Variants in MLLT1 observed in about 807,000 individuals in gnomAD.
MLLT1 encodes the protein MLLT1 super elongation complex subunit, also known as protein ENL.
Under a neutral mutation model 55.1 loss-of-function variants are expected in MLLT1, and 11 were observed. That is an observed-to-expected ratio of 0.20 (90% CI 0.13 to 0.33). MLLT1 has a LOEUF of 0.33. Among genes scored for constraint, MLLT1 ranks in the 10% least tolerant of loss-of-function variants. The probability of loss-of-function intolerance (pLI) is 1.00; values close to 1 mark genes in which losing one functional copy is unlikely to be tolerated. For synonymous variants in MLLT1, 323 were observed against 320.1 expected, an observed-to-expected ratio of 1.01 and a Z score of -0.10; for missense variants, 536 against 760.6, an observed-to-expected ratio of 0.70 and a Z score of 3.47.
At position 6,216,469 on chromosome 19, in the gene MLLT1, C is replaced by G. The variant is rs752596385; in HGVS notation, c.1243G>C (p.Asp415His). The change falls in exon 8 of 12, where the codon GAC becomes CAC. Residue 415 changes from aspartate (D) to histidine (H), a missense_variant. Coordinates refer to ENST00000252674, the MANE Select transcript of MLLT1 (RefSeq NM_005934.4). ...MVEDLQSEES[D>H]EDDSSSGEEA... The stretch of plus-strand genomic sequence containing the variant: ...TCGCCTGACGAAGAGTCGTCCTCGT[C>G]GGACTCCTCGGACTGCAGGTCCTCC... 3.7e-6 allele frequency: 6 copies of G among 1,606,908 alleles called. No homozygotes were observed. Among genetic ancestry groups the G allele is most frequent in the Non-Finnish European group, 5.1e-6 (6 of 1,177,580 alleles).
chr19:6,259,810 A>AAAAAAAAAAAC (rs2091287961), intron 3 of MLLT1: 1 of 151,464 alleles, frequency 6.6e-6, no homozygotes, highest in Non-Finnish European at 1.5e-5. Flanking sequence ...AAAAAAAAAA[A>AAAAAAAAAAAC]AAAAAAAAAA....
chr19:6,278,114 C>T (rs2091436414), intron 1 of MLLT1, among the ~76,000 whole-genome samples: 1 of 152,222 alleles, frequency 6.6e-6, no homozygotes, highest in African/African-American at 2.4e-5. Context: ...AGTGCCACTT[C>T]AGTGGCGCCA....
At chr19:6,232,237 A>AAAAC (rs538916174) in intron 3 of MLLT1, among the ~76,000 whole-genome samples, 50 of 152,304 alleles carry the variant, frequency 3.3e-4, no homozygotes, top group South Asian at 1.5e-3. Context: ...CTCTGTCTGA[A>AAAAC]AAACAAACAA....
At chr19:6,213,505 A>G (rs1373149900) in intron 10 of MLLT1, 97 bp from the exon 11 acceptor site, 43 of 1,177,788 alleles carry the variant, frequency 3.7e-5, no homozygotes, top group Non-Finnish European at 5.3e-5. Flanking sequence ...ATCCCAGCAC[A>G]GGACAGAGGT....
At position 6,224,500 on chromosome 19, in the gene MLLT1, T is replaced by G. The variant is rs1233119531; in HGVS notation, c.547-1816A>C. Among the ~76,000 whole-genome samples, 4 of 152,234 alleles carry G rather than the reference T, an allele frequency of 2.6e-5. No homozygotes were observed. The East Asian group carries it at 7.7e-4, about 29-fold the overall frequency. The stretch of plus-strand genomic sequence containing the variant: ...GCAGGGGACACACGCCCAGCTGGGC[T>G]GCAGGAGCTCAGCCGGGGTCACAGC... On this transcript the variant is annotated intron_variant, in intron 5 of 11. Transcript: ENST00000252674.
At chr19:6,268,717 CAACA>C in intron 2 of MLLT1, among the ~76,000 whole-genome samples, 1 of 152,132 alleles carries the variant, frequency 6.6e-6, no homozygotes, top group East Asian at 1.9e-4. Flanking sequence ...AGACAGACAG[CAACA>C]AACAGGGCTC....
intron 1 of MLLT1, among the ~76,000 whole-genome samples, chr19:6,277,396 C>T (rs1265923956): frequency 6.6e-6 from 1 of 152,204 alleles, no homozygotes; most frequent in Non-Finnish European, 1.5e-5. Flanking sequence ...CTGCATTGCC[C>T]GACAGGGTGG....
Position 6,212,471 on chromosome 19 carries a change from A to C in MLLT1, c.*571T>G. 9.4e-7 allele frequency: 1 copy of C among 1,066,286 alleles called. No individual in the cohort carries two copies. The highest frequency in any genetic ancestry group is 5.0e-5 in the East Asian group (1 of 20,176). 66.1% of individuals were successfully genotyped at this position (1,066,286 alleles called of 1,614,324 possible). ...ACGCACATGGACACTGCTCTTGACC[A>C]GACAGTGCACACACATATATAATAG... On this transcript the variant is annotated 3_prime_UTR_variant, in exon 12 of 12. Coordinates refer to ENST00000252674, the MANE Select transcript of MLLT1 (RefSeq NM_005934.4).
intron 2 of MLLT1, among the ~76,000 whole-genome samples, chr19:6,268,931 G>T (rs1234278230): frequency 6.6e-6 from 1 of 152,332 alleles, no homozygotes; most frequent in East Asian, 1.9e-4. Flanking sequence ...CCATGTCAAC[G>T]TGGTGGGGAA....
At chr19:6,249,571 T>A (rs1250038244) in intron 3 of MLLT1, among the ~76,000 whole-genome samples, 4 of 152,186 alleles carry the variant, frequency 2.6e-5, no homozygotes, top group Non-Finnish European at 2.9e-5. Flanking sequence ...AGCCGCAGCA[T>A]GCAGAAGCCT....
intron 2 of MLLT1, among the ~76,000 whole-genome samples, chr19:6,265,050 A>AC (rs2091337048): frequency 1.5e-4 from 2 of 13,698 alleles, no homozygotes; most frequent in Middle Eastern, 0.026. Flanking sequence ...AAAAAAAAAC[A>AC]AAAAAACAAA....
chr19:6,238,697 C>A (rs1236664424), intron 3 of MLLT1, among the ~76,000 whole-genome samples: 1 of 152,262 alleles, frequency 6.6e-6, no homozygotes, highest in Non-Finnish European at 1.5e-5. Context: ...CCAGGCAAGT[C>A]CCCGCCATGG....
In MLLT1 at chr19:6,211,819, C is replaced by A; in HGVS notation, c.*1223G>T. ...AGAGTGGGCCGGGAAGGAGGACCGG[C>A]TTGGCCCCTGGAGAATCTCAGGCAT... On this transcript the variant is annotated 3_prime_UTR_variant, in exon 12 of 12. Transcript: ENST00000252674. The surrounding 1 kb of genome is among the most constrained non-coding windows in gnomAD (Gnocchi z 4.6). 1 of 1,064,248 alleles carries A rather than the reference C, an allele frequency of 9.4e-7. No homozygotes were observed. Among genetic ancestry groups the A allele is most frequent in the Non-Finnish European group, 1.1e-6 (1 of 878,580 alleles). The allele number at this position is 1,064,248 out of a possible 1,614,324, so 65.9% of individuals were successfully genotyped here.
chr19:6,216,371 C>T (rs372802145), intron 8 of MLLT1, 34 bp downstream of exon 8: 27 of 1,528,342 alleles, frequency 1.8e-5, no homozygotes, highest in African/African-American at 4.1e-5. Flanking sequence ...CCCGGGTGGC[C>T]GCCTCCGCCC....
At chr19:6,214,637 G>A (rs2090820904) in intron 8 of MLLT1, among the ~76,000 whole-genome samples, 1 of 152,174 alleles carries the variant, frequency 6.6e-6, no homozygotes. Context: ...TTCCCCATCT[G>A]TGAAAGGAGG....
chr19:6,234,926 A>T (rs1207218574), intron 3 of MLLT1, among the ~76,000 whole-genome samples: 1 of 152,212 alleles, frequency 6.6e-6, no homozygotes, highest in South Asian at 2.1e-4. Flanking sequence ...CAAGACTTTA[A>T]ACACTGGCAT....
Position 6,212,362 on chromosome 19 carries a change from C to T in MLLT1, c.*680G>A. The T allele has an allele frequency of 1.2e-6, 1 of 830,930 alleles. No homozygotes were observed. Among genetic ancestry groups the T allele is most frequent in the African/African-American group, 4.9e-5 (1 of 20,276 alleles). 51.5% of individuals were successfully genotyped at this position (830,930 alleles called of 1,614,324 possible). On this transcript the variant is annotated 3_prime_UTR_variant, in exon 12 of 12. Transcript: ENST00000252674. ...TGCCGTGCCTGGCTCGGCCTCCAGC[C>T]CCACACCACCGCAGAGACATCTTAA... is the stretch of plus-strand genomic sequence containing the variant.
In MLLT1 at chr19:6,222,748, C is replaced by T; in HGVS notation, c.547-64G>A. ...AGGTCACGTGGCATTGCGGGGCGCC[C>T]TGCTCCGCCACCCCTGACCCCTACA... On this transcript the variant is annotated intron_variant, in intron 5 of 11. Transcript: ENST00000252674. The surrounding 1 kb of genome is among the most constrained non-coding windows in gnomAD (Gnocchi z 4.1). 1 of 1,372,600 alleles carries T rather than the reference C, an allele frequency of 7.3e-7. No individual in the cohort carries two copies. The highest frequency in any genetic ancestry group is 9.7e-7 in the Non-Finnish European group (1 of 1,028,592). The allele number at this position is 1,372,600 out of a possible 1,614,324, so 85.0% of individuals were successfully genotyped here. A position where few individuals can be genotyped will look rare whatever the true frequency, so the allele number is the denominator to read the frequency against.
At chr19:6,268,479 A>G (rs760007510) in intron 2 of MLLT1, among the ~76,000 whole-genome samples, 78 of 152,344 alleles carry the variant, frequency 5.1e-4, no homozygotes, top group Non-Finnish European at 1.0e-3. Context: ...GGAGGCCAGG[A>G]ACAGCAACTT....
Sources: allele counts gnomAD v4.1 joint callset (sites outside exome capture counted in the v4.1 genomes callset), GRCh38; gene constraint gnomAD v4.1.1; non-coding constraint Gnocchi (gnomAD v3.1); transcripts MANE v1.5; gene names NCBI Gene and HGNC (gene_info 2026-07-23, HGNC 2026-07-21).